The following RAP1GAP2 variants were observed in gnomAD, a reference collection of about 807,000 sequenced individuals.
RAP1GAP2 encodes the protein rap1 GTPase-activating protein 2.
A neutral mutation model predicts 95.0 loss-of-function variants in RAP1GAP2; 27 were observed. The observed-to-expected ratio is 0.28, with a 90% confidence interval of 0.21 to 0.39. The LOEUF is 0.39. Ranked by LOEUF, RAP1GAP2 falls within the 10% of genes least tolerant of loss-of-function variation. RAP1GAP2 has a pLI of 1.00. For missense variants in RAP1GAP2, 771 were observed against 970.0 expected (o/e 0.79, Z 2.72); for synonymous variants, 373 against 380.9 (o/e 0.98, Z 0.24).
chr17:2,931,547 G>A (rs2043156658), intron 3 of RAP1GAP2, among the ~76,000 whole-genome samples: 1 of 152,224 alleles, frequency 6.6e-6, no homozygotes. Flanking sequence ...GCTGGCAAAA[G>A]GGGGTGGGGC....
At chr17:3,026,608 T>G (rs1241759342) in intron 21 of RAP1GAP2, 144 bp downstream of exon 21, 19 of 795,090 alleles carry the variant, frequency 2.4e-5, no homozygotes, top group Non-Finnish European at 3.7e-5. Flanking sequence ...GGTGGGCTCG[T>G]TGGCCATCAC....
chr17:2,942,770 ATTTTATTTTAT>A (rs1597674917), intron 3 of RAP1GAP2, among the ~76,000 whole-genome samples: 3 of 152,060 alleles, frequency 2.0e-5, no homozygotes, highest in East Asian at 3.9e-4. Context: ...TCCAATTTTT[ATTTTATTTTAT>A]TTTTGAGACG....
chr17:2,933,768 G>GT (rs146142101), intron 3 of RAP1GAP2, among the ~76,000 whole-genome samples: 5,982 of 152,306 alleles, frequency 0.039, 246 homozygotes, highest in African/African-American at 0.1. Context: ...CTTTTTTCCA[G>GT]TTCCCCCACT....
intron 3 of RAP1GAP2, among the ~76,000 whole-genome samples, chr17:2,943,245 A>G (rs2043571724): frequency 6.6e-6 from 1 of 152,178 alleles, no homozygotes; most frequent in Non-Finnish European, 1.5e-5. Flanking sequence ...AAAGGAAACA[A>G]TCAACAGGGT....
intron 2 of RAP1GAP2, among the ~76,000 whole-genome samples, chr17:2,893,106 C>T (rs943065029): frequency 1.2e-4 from 19 of 152,172 alleles, no homozygotes; most frequent in African/African-American, 4.6e-4. Context: ...TGGCTCACTG[C>T]AACCTCTGCC....
rs1486900848 is a variant in RAP1GAP2, at chr17:2,904,431, G to A, written c.81-853G>A. 6.6e-6 allele frequency among the ~76,000 whole-genome samples: 1 copy of A among 152,134 alleles called. No individual in the cohort carries two copies. The highest frequency in any genetic ancestry group is 1.5e-5 in the Non-Finnish European group (1 of 68,042). On this transcript the variant is annotated intron_variant, in intron 2 of 24. Coordinates refer to ENST00000254695, the MANE Select transcript of RAP1GAP2 (RefSeq NM_015085.5). The surrounding 1 kb of genome is among the most constrained non-coding windows in gnomAD (Gnocchi z 4.7). Reference sequence around the variant, plus strand: ...CATGGTGACACAACTCTGTTTAGCTGCCTCTCTACCGTCCTAGCCCACATG... The same window carrying A: ...CATGGTGACACAACTCTGTTTAGCTACCTCTCTACCGTCCTAGCCCACATG...
chr17:2,972,624 C>G (rs961945550), intron 8 of RAP1GAP2, among the ~76,000 whole-genome samples: 1 of 128,680 alleles, frequency 7.8e-6, no homozygotes, highest in Admixed American at 7.8e-5. Flanking sequence ...AAAAAAGGAT[C>G]TTTTTGAATA....
chr17:3,014,013 G>A lies in RAP1GAP2; in HGVS notation c.1495-4048G>A, dbSNP rs558287314. Among the ~76,000 whole-genome samples, 7 of 152,284 alleles carry A rather than the reference G, an allele frequency of 4.6e-5. No individual in the cohort carries two copies. In the East Asian group the frequency reaches 1.2e-3, roughly 25 times the overall value. On this transcript the variant is annotated intron_variant, in intron 17 of 24. Transcript: ENST00000254695. The stretch of plus-strand genomic sequence containing the variant: ...GGAATACAATCACGTGTCACTCAAC[G>A]ACGGGAAATACGTCCTGAGAAATGA...
At chr17:2,772,855 C>CTTTTT (rs773565092), upstream of RAP1GAP2, among the ~76,000 whole-genome samples, 22 of 126,070 alleles carry the variant, frequency 1.7e-4, no homozygotes, top group Non-Finnish European at 3.0e-4. Context: ...TTCTTTCTTT[C>CTTTTT]TTTTTTTTTT....
chr17:2,965,767 C>A lies in RAP1GAP2; in HGVS notation c.596+124C>A, dbSNP rs557771582. On this transcript the variant is annotated intron_variant, in intron 8 of 24. Transcript: ENST00000254695. The surrounding 1 kb of genome is among the most constrained non-coding windows in gnomAD (Gnocchi z 4.7). ...AGTCTGGTCTGGGTGCACTGGCTGA[C>A]GGGGACAGGCCTGCTGGAATCCTGG... 8 of 722,690 alleles carry A rather than the reference C, an allele frequency of 1.1e-5. No individual in the cohort carries two copies. Among genetic ancestry groups the A allele is most frequent in the African/African-American group, 1.1e-4 (6 of 56,606 alleles). 44.8% of individuals were successfully genotyped at this position (722,690 alleles called of 1,614,324 possible). A position where few individuals can be genotyped will look rare whatever the true frequency, so the allele number is the denominator to read the frequency against.
At chr17:2,960,140 A>AAAAAC (rs1475157906) in intron 4 of RAP1GAP2, among the ~76,000 whole-genome samples, 4 of 150,966 alleles carry the variant, frequency 2.6e-5, no homozygotes, top group Non-Finnish European at 4.4e-5. Flanking sequence ...AAAAAAAAAA[A>AAAAAC]ACAACAAAAA....
intron 12 of RAP1GAP2, among the ~76,000 whole-genome samples, chr17:2,992,409 C>G (rs935444022): frequency 1.4e-4 from 22 of 152,242 alleles, no homozygotes; most frequent in African/African-American, 4.8e-4. Flanking sequence ...ATCCGCCCGT[C>G]TGGGCCTCCC....
At chr17:2,763,403 A>G (rs1016527655) in intron 1 of RAP1GAP2, among the ~76,000 whole-genome samples, 6 of 152,130 alleles carry the variant, frequency 3.9e-5, no homozygotes, top group Admixed American at 2.0e-4. Flanking sequence ...GCTGTGATCA[A>G]GGTTAAGGAA....
At chr17:3,011,612 T>G (rs1458004726) in intron 17 of RAP1GAP2, among the ~76,000 whole-genome samples, 2 of 147,406 alleles carry the variant, frequency 1.4e-5, no homozygotes, top group African/African-American at 2.5e-5. Flanking sequence ...TGTCAAAGTT[T>G]TTTTTTTTTT....
In RAP1GAP2 at chr17:2,963,312, A is replaced by T. The variant is rs2044423348; in HGVS notation, c.247-118A>T. The T allele has an allele frequency of 8.7e-7, 1 of 1,146,704 alleles. No individual in the cohort carries two copies. Among genetic ancestry groups the T allele is most frequent in the African/African-American group, 1.5e-5 (1 of 65,828 alleles). 71.0% of individuals were successfully genotyped at this position (1,146,704 alleles called of 1,614,324 possible). A position where few individuals can be genotyped will look rare whatever the true frequency, so the allele number is the denominator to read the frequency against. ...CTGATTCTGAGCTGTTCTTCCATCGAATGTTCCTCCCTCAAAGCCCCCCCA... is the reference window on the plus strand; with the variant it reads ...CTGATTCTGAGCTGTTCTTCCATCGTATGTTCCTCCCTCAAAGCCCCCCCA... On this transcript the variant is annotated intron_variant, in intron 5 of 24. Coordinates refer to ENST00000254695, the MANE Select transcript of RAP1GAP2 (RefSeq NM_015085.5). This position sits in a 1 kb window ranked among gnomAD's most constrained non-coding sequence, Gnocchi z 4.8.
upstream of RAP1GAP2, among the ~76,000 whole-genome samples, chr17:2,775,790 G>A (rs2068485651): frequency 6.6e-6 from 1 of 152,214 alleles, no homozygotes; most frequent in Non-Finnish European, 1.5e-5. Flanking sequence ...GCATCCCAAA[G>A]GTTGGCTAGA....
In RAP1GAP2 at chr17:3,026,437, C is replaced by T. The variant is rs761927263; in HGVS notation, c.1953C>T (p.Gly651=). Residue 651 remains glycine (G), a synonymous_variant, in exon 21 of 25, where the codon GGC becomes GGT. Coordinates refer to ENST00000254695, the MANE Select transcript of RAP1GAP2 (RefSeq NM_015085.5). ...TSSVSSTAGE[G]EAMEEGDSGG... The stretch of plus-strand genomic sequence containing the variant: ...GCGTCAGCAGCACTGCAGGGGAGGG[C>T]GAGGCCATGGAGGAGGGCGACAGTG... The T allele has an allele frequency of 1.7e-5, 26 of 1,551,902 alleles. No individual in the cohort carries two copies. Among genetic ancestry groups the T allele is most frequent in the East Asian group, 9.7e-5 (4 of 41,062 alleles).
At chr17:2,926,388 A>G (rs1411771546) in intron 3 of RAP1GAP2, among the ~76,000 whole-genome samples, 1 of 152,120 alleles carries the variant, frequency 6.6e-6, no homozygotes, top group Non-Finnish European at 1.5e-5. Context: ...AGGAGTGTAC[A>G]CTTGGTTTTT....
chr17:2,892,364 G>A (rs1216288655), intron 2 of RAP1GAP2, among the ~76,000 whole-genome samples: 1 of 152,108 alleles, frequency 6.6e-6, no homozygotes, highest in Non-Finnish European at 1.5e-5. Context: ...ATTTTATTAT[G>A]CTCAAGTTCT....
Sources: allele counts gnomAD v4.1 joint callset (sites outside exome capture counted in the v4.1 genomes callset), GRCh38; gene constraint gnomAD v4.1.1; non-coding constraint Gnocchi (gnomAD v3.1); transcripts MANE v1.5; gene names NCBI Gene and HGNC (gene_info 2026-07-23, HGNC 2026-07-21).